FBXL19: variants seen among roughly 807,000 people sequenced by gnomAD.
FBXL19 encodes the protein F-box and leucine rich repeat protein 19, also known as F-box/LRR-repeat protein 19.
Under a neutral mutation model 71.2 loss-of-function variants are expected in FBXL19, and 16 were observed. That is an observed-to-expected ratio of 0.22 (90% CI 0.15 to 0.34). The LOEUF is 0.34. Ranked by LOEUF, FBXL19 falls within the 10% of genes least tolerant of loss-of-function variation. FBXL19 has a pLI of 1.00. For synonymous variants in FBXL19, 447 were observed against 409.4 expected, an observed-to-expected ratio of 1.09 and a Z score of -1.11; for missense variants, 658 against 968.2, an observed-to-expected ratio of 0.68 and a Z score of 4.25.
chr16:30,938,317 C>T (rs1394027447), intron 7 of FBXL19, among the ~76,000 whole-genome samples: 1 of 152,004 alleles, frequency 6.6e-6, no homozygotes, highest in Non-Finnish European at 1.5e-5. Context: ...GGGTTCAAGA[C>T]AAGCTTGGGC....
rs1337090569 is a variant in FBXL19 at position 30,925,197 on chromosome 16, A to G, written c.-24-534A>G. 1.4e-5 allele frequency among the ~76,000 whole-genome samples: 2 copies of G among 147,772 alleles called. No homozygotes were observed. Among genetic ancestry groups the G allele is most frequent in the African/African-American group, 2.5e-5 (1 of 39,826 alleles). Reference sequence around the variant, plus strand: ...AGGATAACTGGGTTGAGGGGAAGAGAGATTGGATGGCTGCTGTGGATGAAA... The same window carrying G: ...AGGATAACTGGGTTGAGGGGAAGAGGGATTGGATGGCTGCTGTGGATGAAA... On this transcript the variant is annotated intron_variant, in intron 1 of 10. Transcript: ENST00000338343. The surrounding 1 kb of genome is among the most constrained non-coding windows in gnomAD (Gnocchi z 5.0).
At chr16:30,944,752 C>T (rs1020632536) in intron 9 of FBXL19, among the ~76,000 whole-genome samples, 1 of 152,216 alleles carries the variant, frequency 6.6e-6, no homozygotes, top group African/African-American at 2.4e-5. Flanking sequence ...CTCTGCTTTC[C>T]TCTATGGGCC....
chr16:30,927,627 C>T lies in FBXL19; in HGVS notation c.376C>T (p.Pro126Ser). 1 of 1,564,934 alleles carries T rather than the reference C, an allele frequency of 6.4e-7. No homozygotes were observed. Among genetic ancestry groups the T allele is most frequent in the Non-Finnish European group, 8.7e-7 (1 of 1,154,878 alleles). ...AGAGATCCCCAACTGCTGGGAGTGC[C>T]CTCGCTGCACCCAGGAAGGCCGCAC... is the stretch of plus-strand genomic sequence containing the variant. ...NAEIPNCWEC[P>S]RCTQEGRTSK... The change falls in exon 4 of 11, where the codon CCT becomes TCT. Residue 126 changes from proline to serine, a missense_variant. By Grantham distance (74) the Pro-to-Ser change is moderately conservative. Around this residue, in one of 8 missense-constraint regions of FBXL19, gnomAD observed 447 missense variants for 515.4 expected, o/e 0.87. Coordinates refer to ENST00000338343, the MANE Select transcript of FBXL19 (RefSeq NM_001382779.1).
chr16:30,938,360 G>GA (rs1760304767), intron 7 of FBXL19, among the ~76,000 whole-genome samples: 1 of 152,034 alleles, frequency 6.6e-6, no homozygotes, highest in Admixed American at 6.6e-5. Context: ...TATTAAAAAA[G>GA]AAAAAATTAG....
intron 9 of FBXL19, among the ~76,000 whole-genome samples, chr16:30,944,500 T>C (rs1204970909): frequency 6.6e-6 from 1 of 152,174 alleles, no homozygotes; most frequent in Non-Finnish European, 1.5e-5. Flanking sequence ...TCCTTCCATG[T>C]TCCTGTAAAG....
At chr16:30,924,704 G>C (rs771156270) in intron 1 of FBXL19, 1 of 1,488,082 alleles carries the variant, frequency 6.7e-7, no homozygotes, top group Admixed American at 2.9e-5. Context: ...CCCTCCCCTG[G>C]AGCGCTGGAG....
intron 7 of FBXL19, among the ~76,000 whole-genome samples, chr16:30,932,909 C>T (rs550509548): frequency 1.0e-4 from 15 of 146,562 alleles, no homozygotes; most frequent in Admixed American, 8.3e-4. Flanking sequence ...GGCATGCTCT[C>T]GGCTCACTGC....
intron 4 of FBXL19, 35 bp downstream of exon 4, chr16:30,927,694 G>T: frequency 6.4e-7 from 1 of 1,558,864 alleles, no homozygotes; most frequent in Non-Finnish European, 8.7e-7. Flanking sequence ...GTGGGTAGGT[G>T]GGTGTTGGGG....
chr16:30,934,583 G>A (rs1358450932), intron 7 of FBXL19, among the ~76,000 whole-genome samples: 3 of 152,098 alleles, frequency 2.0e-5, no homozygotes, highest in Non-Finnish European at 2.9e-5. Flanking sequence ...GCTTGAACCC[G>A]GGAGGCGGAG....
chr16:30,928,417 G>A lies in FBXL19; in HGVS notation c.628-50G>A, dbSNP rs181426234. 336 of 1,483,798 alleles carry A rather than the reference G, an allele frequency of 2.3e-4. 1 individual carries two copies. The African/African-American group carries it at 4.4e-3, about 19-fold the overall frequency. The allele number at this position is 1,483,798 out of a possible 1,614,324, so 91.9% of individuals were successfully genotyped here. ...GGACCTTAGATTTCTGGCCCATGAG[G>A]GCCTAATGGGGTCTCTCCCTTCCTC... On this transcript the variant is annotated intron_variant, in intron 5 of 10. Coordinates refer to ENST00000338343, the MANE Select transcript of FBXL19 (RefSeq NM_001382779.1).
In FBXL19 at chr16:30,947,285, A is replaced by G. The variant is rs2055871080; in HGVS notation, c.*55A>G. On this transcript the variant is annotated 3_prime_UTR_variant, in exon 11 of 11. Coordinates refer to ENST00000338343, the MANE Select transcript of FBXL19 (RefSeq NM_001382779.1). ...GACAGGAGCCTGGACCTCCGGCTTC[A>G]TTTCACCCCTGCTGGGAGGCCAGGT... 1.4e-6 allele frequency: 2 copies of G among 1,408,930 alleles called. No homozygotes were observed. The highest frequency in any genetic ancestry group is 2.8e-5 in the South Asian group (2 of 71,842). The allele number at this position is 1,408,930 out of a possible 1,614,324, so 87.3% of individuals were successfully genotyped here.
chr16:30,947,793 T>C lies in FBXL19; in HGVS notation c.*563T>C. ...AGCTGGAGGTGGGGATGAGAGCAGG[T>C]GTGGGGACAGCAATACCCCCTTGGG... On this transcript the variant is annotated 3_prime_UTR_variant, in exon 11 of 11. Transcript: ENST00000338343. 6.9e-6 allele frequency: 3 copies of C among 433,652 alleles called. No individual in the cohort carries two copies. The highest frequency in any genetic ancestry group is 4.8e-5 in the South Asian group (3 of 62,168). The allele number at this position is 433,652 out of a possible 1,614,324, so 26.9% of individuals were successfully genotyped here.
At position 30,930,700 on chromosome 16, in the gene FBXL19, C is replaced by G. The variant is rs2143329615; in HGVS notation, c.1301+116C>G. On this transcript the variant is annotated intron_variant, in intron 7 of 10. Coordinates refer to ENST00000338343, the MANE Select transcript of FBXL19 (RefSeq NM_001382779.1). This position sits in a 1 kb window ranked among gnomAD's most constrained non-coding sequence, Gnocchi z 8.5. Reference sequence around the variant, plus strand: ...TTGCTTTTATATTGGGGATACTTCTCTAGTATGCACAGATTACAGTGCATC... The same window carrying G: ...TTGCTTTTATATTGGGGATACTTCTGTAGTATGCACAGATTACAGTGCATC... 2 of 1,114,960 alleles carry G rather than the reference C, an allele frequency of 1.8e-6. No individual in the cohort carries two copies. The highest frequency in any genetic ancestry group is 4.7e-5 in the South Asian group (2 of 42,340). 69.1% of individuals were successfully genotyped at this position (1,114,960 alleles called of 1,614,324 possible).
chr16:30,943,922 C>G (rs1366501635), intron 9 of FBXL19, among the ~76,000 whole-genome samples: 1 of 152,168 alleles, frequency 6.6e-6, no homozygotes, highest in African/African-American at 2.4e-5. Flanking sequence ...AAGATTCTTC[C>G]CGTATTCTAG....
rs1814472872 is a variant in FBXL19 at position 30,925,162 on chromosome 16, G to A, written c.-24-569G>A. ...GGGACTTGGGGGCAAGGATCTCGCT[G>A]GATCTGGTGAGGATAACTGGGTTGA... On this transcript the variant is annotated intron_variant, in intron 1 of 10. Transcript: ENST00000338343. The surrounding 1 kb of genome is among the most constrained non-coding windows in gnomAD (Gnocchi z 5.0). Among the ~76,000 whole-genome samples, 1 of 152,100 alleles carries A rather than the reference G, an allele frequency of 6.6e-6. No individual in the cohort carries two copies. Among genetic ancestry groups the A allele is most frequent in the South Asian group, 2.1e-4 (1 of 4,830 alleles).
chr16:30,945,236 G>A (rs1169824997), intron 9 of FBXL19, among the ~76,000 whole-genome samples: 3 of 152,118 alleles, frequency 2.0e-5, no homozygotes, highest in Non-Finnish European at 4.4e-5. Flanking sequence ...TTCAGATTCA[G>A]CATCACCAGG....
At position 30,928,513 on chromosome 16, in the gene FBXL19, C is replaced by T. The variant is rs773309908; in HGVS notation, c.674C>T (p.Ala225Val). The T allele has an allele frequency of 1.2e-6, 2 of 1,606,898 alleles. No individual in the cohort carries two copies. The highest frequency in any genetic ancestry group is 1.7e-5 in the Admixed American group (1 of 59,262). Residue 225 changes from alanine to valine, a missense_variant, in exon 6 of 11, where the codon GCC (alanine) becomes GTC (valine). This residue lies in a region of FBXL19 where 447 missense variants were observed against 515.4 expected (regional missense o/e 0.87). Transcript: ENST00000338343. ...ERHLKKVGGD[A>V]CLLRGSDPGG... is the part of the protein sequence containing the mutation. ...CACCTGAAGAAGGTGGGTGGAGACGCCTGCCTCCTCCGAGGATCGGACCCA... is the reference window on the plus strand; with the variant it reads ...CACCTGAAGAAGGTGGGTGGAGACGTCTGCCTCCTCCGAGGATCGGACCCA...
In FBXL19 at chr16:30,942,304, GGGT is replaced by G. The variant is rs1037007076; in HGVS notation, c.1465+28_1465+30del. ...GGTAGGGTGTGTGGTACGGAGGACA[GGGT>G]GGGGACAGGGACAGGCCTGGGATGG... On this transcript the variant is annotated intron_variant, in intron 8 of 10. Coordinates refer to ENST00000338343, the MANE Select transcript of FBXL19 (RefSeq NM_001382779.1). The surrounding 1 kb of genome is among the most constrained non-coding windows in gnomAD (Gnocchi z 5.7). 4 of 1,598,404 alleles carry G rather than the reference GGGT, an allele frequency of 2.5e-6. No homozygotes were observed. In the African/African-American group the frequency reaches 5.4e-5, roughly 21 times the overall value.
In FBXL19 at chr16:30,925,944, C is replaced by T; in HGVS notation, c.177+13C>T. 1.4e-6 allele frequency: 2 copies of T among 1,476,544 alleles called. No individual in the cohort carries two copies. The highest frequency in any genetic ancestry group is 8.9e-7 in the Non-Finnish European group (1 of 1,118,380). 91.5% of individuals were successfully genotyped at this position (1,476,544 alleles called of 1,614,324 possible). On this transcript the variant is annotated intron_variant, in intron 2 of 10. Transcript: ENST00000338343. This position sits in a 1 kb window ranked among gnomAD's most constrained non-coding sequence, Gnocchi z 5.0. Reference sequence around the variant, plus strand: ...GCAGTGCACTGCCGTGAGTTCTGCCCCCACCTTTGGGCTCTGCCCACCCTT... The same window carrying T: ...GCAGTGCACTGCCGTGAGTTCTGCCTCCACCTTTGGGCTCTGCCCACCCTT...
Sources: allele counts gnomAD v4.1 joint callset (sites outside exome capture counted in the v4.1 genomes callset), GRCh38; gene constraint gnomAD v4.1.1; regional missense constraint gnomAD v4.1.1; non-coding constraint Gnocchi (gnomAD v3.1); transcripts MANE v1.5; gene names NCBI Gene and HGNC (gene_info 2026-07-23, HGNC 2026-07-21).